Variants in KCNB2 observed in about 807,000 individuals in gnomAD.
KCNB2 encodes the protein delayed rectifier potassium channel protein.
Under a neutral mutation model 61.5 loss-of-function variants are expected in KCNB2, and 15 were observed. The observed-to-expected ratio is 0.24, with a 90% CI of 0.16 to 0.38. The LOEUF (loss-of-function observed/expected upper bound fraction) is 0.38, where lower values mean the gene tolerates loss of function less well. KCNB2 is among the 10% of genes least tolerant of loss of function. The pLI is 1.00. For synonymous variants in KCNB2, 457 were observed against 446.0 expected, an observed-to-expected ratio of 1.02 and a Z score of -0.31; for missense variants, 828 against 1,125.2, an observed-to-expected ratio of 0.74 and a Z score of 3.78.
intron 2 of KCNB2, among the ~76,000 whole-genome samples, chr8:72,740,204 T>A (rs1328097922): frequency 1.3e-5 from 2 of 152,212 alleles, no homozygotes; most frequent in Non-Finnish European, 2.9e-5. Flanking sequence ...TGTATGATGT[T>A]TGAAATTGTG....
At chr8:72,652,386 G>A (rs1806226158) in intron 2 of KCNB2, among the ~76,000 whole-genome samples, 1 of 151,982 alleles carries the variant, frequency 6.6e-6, no homozygotes, top group South Asian at 2.1e-4. Context: ...ACTACTGCAA[G>A]AGCTATCTAC....
intron 1 of KCNB2, among the ~76,000 whole-genome samples, chr8:72,560,328 T>C (rs1806492643): frequency 6.6e-6 from 1 of 152,244 alleles, no homozygotes; most frequent in Non-Finnish European, 1.5e-5. Context: ...AGGCTAAGTC[T>C]ATCTTATGCC....
intron 2 of KCNB2, among the ~76,000 whole-genome samples, chr8:72,785,945 T>C (rs1288519347): frequency 6.6e-6 from 1 of 151,810 alleles, no homozygotes; most frequent in Non-Finnish European, 1.5e-5. Context: ...TTTAAATTCA[T>C]AACTATTTCC....
intron 2 of KCNB2, among the ~76,000 whole-genome samples, chr8:72,797,446 C>G (rs1217507980): frequency 2.0e-5 from 3 of 152,134 alleles, no homozygotes; most frequent in Admixed American, 2.0e-4. Context: ...AGCGGAACAC[C>G]TCCAGGCCAG....
At position 72,567,751 on chromosome 8, in the gene KCNB2, C is replaced by T. The variant is rs373744483; in HGVS notation, c.17C>T (p.Pro6Leu). 13 of 1,571,142 alleles carry T rather than the reference C, an allele frequency of 8.3e-6. No individual in the cohort carries two copies. The African/African-American group carries it at 1.6e-4, about 20-fold the overall frequency. Residue 6 changes from proline (P) to leucine (L), a missense_variant, in exon 2 of 3, where the codon CCC becomes CTC. Pro to Leu is a moderately conservative substitution (Grantham distance 98). Transcript: ENST00000523207. Reference protein sequence around the residue: MAEKAPPGLNRKTSRS... With the variant: MAEKALPGLNRKTSRS... ...CAGTTCAAAATGGCAGAAAAGGCTC[C>T]CCCGGGCTTAAACAGGAAGACTTCA...
intron 2 of KCNB2, among the ~76,000 whole-genome samples, chr8:72,795,628 AAAAC>A (rs1239265841): frequency 1.3e-5 from 2 of 152,206 alleles, no homozygotes; most frequent in Non-Finnish European, 2.9e-5. Flanking sequence ...TTCATTTCCA[AAAAC>A]AAACAAACAA....
chr8:72,908,001 C>A (rs1020312124), intron 2 of KCNB2, among the ~76,000 whole-genome samples: 9 of 152,162 alleles, frequency 5.9e-5, no homozygotes, highest in African/African-American at 2.2e-4. Context: ...CTTCTTCTGG[C>A]ACATCCTGAA....
At chr8:72,851,629 G>A (rs1445165314) in intron 2 of KCNB2, among the ~76,000 whole-genome samples, 1 of 151,856 alleles carries the variant, frequency 6.6e-6, no homozygotes, top group African/African-American at 2.4e-5. Flanking sequence ...ACCTCTCACT[G>A]AGCATTTAGT....
At chr8:72,823,615 C>G (rs1460003480) in intron 2 of KCNB2, among the ~76,000 whole-genome samples, 3 of 152,196 alleles carry the variant, frequency 2.0e-5, no homozygotes, top group Non-Finnish European at 4.4e-5. Flanking sequence ...TCTCAAGAGG[C>G]AAACACCTGT....
intron 2 of KCNB2, among the ~76,000 whole-genome samples, chr8:72,714,031 G>A (rs943675587): frequency 2.6e-5 from 4 of 152,180 alleles, no homozygotes; most frequent in Non-Finnish European, 5.9e-5. Flanking sequence ...CTCAGTAACC[G>A]ATGCAATCAA....
chr8:72,565,327 A>G (rs1806607908), intron 1 of KCNB2, among the ~76,000 whole-genome samples: 1 of 152,194 alleles, frequency 6.6e-6, no homozygotes, highest in Non-Finnish European at 1.5e-5. Flanking sequence ...TTTAACTTGC[A>G]GGATGGAGAA....
At chr8:72,642,234 T>A (rs1227966841) in intron 2 of KCNB2, among the ~76,000 whole-genome samples, 1 of 152,176 alleles carries the variant, frequency 6.6e-6, no homozygotes, top group African/African-American at 2.4e-5. Flanking sequence ...ATATAAAATA[T>A]CTCATTAATA....
At chr8:72,590,614 G>A (rs1235383794) in intron 2 of KCNB2, among the ~76,000 whole-genome samples, 4 of 152,102 alleles carry the variant, frequency 2.6e-5, no homozygotes, top group African/African-American at 9.7e-5. Flanking sequence ...GTTGATTTGG[G>A]TCAAATCATT....
intron 2 of KCNB2, among the ~76,000 whole-genome samples, chr8:72,623,873 A>T (rs1357037490): frequency 6.6e-6 from 1 of 152,172 alleles, no homozygotes; most frequent in African/African-American, 2.4e-5. Flanking sequence ...GGCCCCAAAG[A>T]CAGGCTCTCA....
chr8:72,924,516 G>T (rs547398663), intron 2 of KCNB2, among the ~76,000 whole-genome samples: 4 of 152,164 alleles, frequency 2.6e-5, no homozygotes, highest in Non-Finnish European at 5.9e-5. Context: ...TCTGTTCCCA[G>T]GTGATGCTAA....
At chr8:72,748,598 GT>G (rs1255482826) in intron 2 of KCNB2, among the ~76,000 whole-genome samples, 32 of 128,524 alleles carry the variant, frequency 2.5e-4, no homozygotes, top group Middle Eastern at 4.3e-3. Context: ...ACTCACTTTG[GT>G]TTTTTTTTTG....
chr8:72,817,372 A>T (rs916515237), intron 2 of KCNB2, among the ~76,000 whole-genome samples: 1 of 152,170 alleles, frequency 6.6e-6, no homozygotes, highest in Non-Finnish European at 1.5e-5. Context: ...CCTACTGCCT[A>T]CTTCGGATGT....
At chr8:72,930,228 T>G (rs970451007) in intron 2 of KCNB2, among the ~76,000 whole-genome samples, 1 of 151,772 alleles carries the variant, frequency 6.6e-6, no homozygotes, top group African/African-American at 2.4e-5. Flanking sequence ...GTTCCAGGTC[T>G]TTGCTGTTGT....
intron 2 of KCNB2, among the ~76,000 whole-genome samples, chr8:72,621,982 A>G (rs1805719928): frequency 1.3e-5 from 2 of 152,214 alleles, no homozygotes; most frequent in African/African-American, 4.8e-5. Context: ...GACAAATTAT[A>G]TATGGTTAAC....
Sources: allele counts gnomAD v4.1 joint callset (sites outside exome capture counted in the v4.1 genomes callset), GRCh38; gene constraint gnomAD v4.1.1; transcripts MANE v1.5; gene names NCBI Gene and HGNC (gene_info 2026-07-23, HGNC 2026-07-21).